The following SPIDR variants were observed in gnomAD, a reference collection of about 807,000 sequenced individuals.
SPIDR encodes DNA repair-scaffolding protein.
A neutral mutation model predicts 104.6 loss-of-function variants in SPIDR; 93 were observed. The observed-to-expected ratio is 0.89, with a 90% CI of 0.75 to 1.06. SPIDR has a LOEUF of 1.06. SPIDR is among the 50% of genes least tolerant of loss of function. SPIDR has a pLI of 0.00. For synonymous variants in SPIDR, 431 were observed against 416.9 expected (o/e 1.03, Z -0.41); for missense variants, 1,154 against 1,111.2 (o/e 1.04, Z -0.55).
chr8:47,380,932 T>C (rs1554645150), intron 5 of SPIDR, among the ~76,000 whole-genome samples: 1 of 152,190 alleles, frequency 6.6e-6, no homozygotes, highest in Non-Finnish European at 1.5e-5. Flanking sequence ...GCTTAAGCCT[T>C]TCTATTGTCT....
In SPIDR at chr8:47,723,571, A is replaced by G. The variant is rs559352544; in HGVS notation, c.2342-3629A>G. Reference sequence around the variant, plus strand: ...CAGCCTCCTGAGTAGCTGGGACTACAGGCACCCGCCACCATGCCCGGCTAA... The same window carrying G: ...CAGCCTCCTGAGTAGCTGGGACTACGGGCACCCGCCACCATGCCCGGCTAA... On this transcript the variant is annotated intron_variant, in intron 16 of 19. Transcript: ENST00000297423. 2.0e-5 allele frequency among the ~76,000 whole-genome samples: 3 copies of G among 151,876 alleles called. No individual in the cohort carries two copies. In the South Asian group the frequency reaches 6.2e-4, roughly 32 times the overall value.
At chr8:47,495,387 C>T (rs371236437) in intron 8 of SPIDR, among the ~76,000 whole-genome samples, 58 of 147,034 alleles carry the variant, frequency 3.9e-4, no homozygotes, top group African/African-American at 7.9e-4. Context: ...CCCCTCCCAC[C>T]CAAAAAAAAA....
At chr8:47,389,396 A>G (rs950181939) in intron 5 of SPIDR, among the ~76,000 whole-genome samples, 5 of 152,184 alleles carry the variant, frequency 3.3e-5, no homozygotes, top group Non-Finnish European at 5.9e-5. Flanking sequence ...TTGGTAAAGG[A>G]TAAAAGTTTC....
intron 8 of SPIDR, among the ~76,000 whole-genome samples, chr8:47,555,143 C>T (rs2091167140): frequency 6.6e-6 from 1 of 152,242 alleles, no homozygotes; most frequent in African/African-American, 2.4e-5. Flanking sequence ...CCACTCTGTA[C>T]TTATGATCAT....
intron 10 of SPIDR, among the ~76,000 whole-genome samples, chr8:47,647,651 A>AGAGAGAGAGAGAGG (rs1563416092): frequency 9.8e-5 from 12 of 122,062 alleles, no homozygotes; most frequent in Admixed American, 1.8e-4. Flanking sequence ...AGAGAGAGAG[A>AGAGAGAGAGAGAGG]GAGGGAGAGA....
chr8:47,316,217 A>C (rs377390106), intron 5 of SPIDR, among the ~76,000 whole-genome samples: 16 of 152,340 alleles, frequency 1.1e-4, no homozygotes, highest in African/African-American at 3.8e-4. Context: ...AACATCGTCA[A>C]TTATTAAGGA....
At chr8:47,524,967 G>A (rs2084750776) in intron 8 of SPIDR, among the ~76,000 whole-genome samples, 1 of 152,072 alleles carries the variant, frequency 6.6e-6, no homozygotes, top group Non-Finnish European at 1.5e-5. Flanking sequence ...ATTTCCAAAG[G>A]ACTTCATGAA....
chr8:47,542,451 T>G (rs1299948539), intron 8 of SPIDR, among the ~76,000 whole-genome samples: 2 of 152,202 alleles, frequency 1.3e-5, no homozygotes, highest in East Asian at 3.9e-4. Context: ...TAAAGAAGAC[T>G]TACCGCTCCC....
chr8:47,473,150 G>A (rs1354070206), intron 8 of SPIDR, among the ~76,000 whole-genome samples: 3 of 152,112 alleles, frequency 2.0e-5, no homozygotes, highest in Admixed American at 2.0e-4. Flanking sequence ...TTATATACAT[G>A]AACAAAATAT....
intron 7 of SPIDR, among the ~76,000 whole-genome samples, chr8:47,431,516 G>A (rs1311384500): frequency 6.6e-6 from 1 of 152,242 alleles, no homozygotes; most frequent in African/African-American, 2.4e-5. Context: ...CTATTCCTAC[G>A]GAATGAGTCA....
At chr8:47,675,405 A>T (rs1213293163) in intron 11 of SPIDR, among the ~76,000 whole-genome samples, 1 of 152,208 alleles carries the variant, frequency 6.6e-6, no homozygotes, top group African/African-American at 2.4e-5. Context: ...TAATTGCATT[A>T]TGTATTTGGG....
intron 10 of SPIDR, among the ~76,000 whole-genome samples, chr8:47,670,962 G>A (rs1480772078): frequency 6.6e-6 from 1 of 152,056 alleles, no homozygotes; most frequent in East Asian, 1.9e-4. Context: ...AGGCTGGAGT[G>A]CAGTGGCACA....
intron 11 of SPIDR, among the ~76,000 whole-genome samples, chr8:47,688,941 A>G (rs1233879558): frequency 6.6e-6 from 1 of 152,178 alleles, no homozygotes; most frequent in African/African-American, 2.4e-5. Flanking sequence ...GTTCCTGATT[A>G]CCGCTGAGGC....
At chr8:47,595,145 A>G (rs529212247) in intron 8 of SPIDR, among the ~76,000 whole-genome samples, 1 of 152,244 alleles carries the variant, frequency 6.6e-6, no homozygotes, top group South Asian at 2.1e-4. Context: ...AATATCAGGC[A>G]TTTTAGTTGT....
At chr8:47,335,178 A>C (rs568928899) in intron 5 of SPIDR, among the ~76,000 whole-genome samples, 167 of 152,324 alleles carry the variant, frequency 1.1e-3, no homozygotes, top group African/African-American at 3.7e-3. Flanking sequence ...AAAAAATAAA[A>C]TTTTACTGTC....
chr8:47,321,795 T>C (rs1381805601), intron 5 of SPIDR, among the ~76,000 whole-genome samples: 2 of 152,078 alleles, frequency 1.3e-5, no homozygotes, highest in East Asian at 3.8e-4. Context: ...ATGCCACATA[T>C]CTACAACCAT....
intron 19 of SPIDR, 32 bp from the exon 20 acceptor site, chr8:47,735,275 T>G: frequency 6.2e-7 from 1 of 1,609,860 alleles, no homozygotes; most frequent in Non-Finnish European, 8.5e-7. Context: ...CCAGGCTGTT[T>G]GCTTTAACCA....
chr8:47,537,425 G>GAACCTT (rs1307559668), intron 8 of SPIDR, among the ~76,000 whole-genome samples: 1 of 152,122 alleles, frequency 6.6e-6, no homozygotes, highest in East Asian at 1.9e-4. Flanking sequence ...AAACATAGAG[G>GAACCTT]AACCTTAAAT....
intron 5 of SPIDR, among the ~76,000 whole-genome samples, chr8:47,299,982 G>T (rs1387115128): frequency 1.3e-5 from 2 of 152,194 alleles, no homozygotes; most frequent in African/African-American, 4.8e-5. Flanking sequence ...CGTTAGGGAG[G>T]ATTTCCTCTT....
Sources: gnomAD v4.1 joint callset for allele counts (sites outside exome capture counted in the v4.1 genomes callset) on GRCh38, gnomAD v4.1.1 for gene constraint, MANE v1.5 for transcripts, NCBI Gene and HGNC (gene_info 2026-07-23, HGNC 2026-07-21) for gene names.